KLF13: variants seen among roughly 807,000 people sequenced by gnomAD.
KLF13 encodes the protein Krueppel-like factor 13.
Under a neutral mutation model 16.7 loss-of-function variants are expected in KLF13, and 8 were observed. The ratio of observed to expected loss-of-function variants is 0.48; its 90% CI spans 0.28 to 0.87. The LOEUF is 0.87. Among genes scored for constraint, KLF13 ranks in the 40% least tolerant of loss-of-function variants. The pLI is 0.10. For missense variants in KLF13, 447 were observed against 452.2 expected, an observed-to-expected ratio of 0.99 and a Z score of 0.10; for synonymous variants, 245 against 208.4, an observed-to-expected ratio of 1.18 and a Z score of -1.51.
At chr15:31,424,660 C>CA (rs1251317683) in intron 1 of KLF13, among the ~76,000 whole-genome samples, 1 of 151,988 alleles carries the variant, frequency 6.6e-6, no homozygotes, top group Non-Finnish European at 1.5e-5. Flanking sequence ...AGCCCACAGC[C>CA]AACATCAAAC....
chr15:31,328,424 G>C (rs182764369), intron 1 of KLF13, among the ~76,000 whole-genome samples: 3 of 151,976 alleles, frequency 2.0e-5, no homozygotes, highest in Non-Finnish European at 4.4e-5. Context: ...GGCGGTCCCG[G>C]GTCCCGCTCC....
chr15:31,391,635 G>A (rs1187411929), upstream of KLF13, among the ~76,000 whole-genome samples: 1 of 151,130 alleles, frequency 6.6e-6, no homozygotes, highest in Non-Finnish European at 1.5e-5. Flanking sequence ...CTTCCGGGAG[G>A]TCTAGGCGGC....
chr15:31,365,570 A>G (rs2039454303), intron 1 of KLF13, among the ~76,000 whole-genome samples: 1 of 122,540 alleles, frequency 8.2e-6, no homozygotes, highest in African/African-American at 3.1e-5. Context: ...AGACAGAAAG[A>G]TCTGCAGTGT....
chr15:31,401,853 C>T (rs1428555372), intron 2 of KLF13, among the ~76,000 whole-genome samples: 2 of 152,216 alleles, frequency 1.3e-5, no homozygotes, highest in Non-Finnish European at 2.9e-5. Context: ...CCAGCAGACA[C>T]TGTCTCACCA....
chr15:31,330,244 C>T (rs1031273197), intron 1 of KLF13, among the ~76,000 whole-genome samples: 2 of 152,164 alleles, frequency 1.3e-5, no homozygotes, highest in African/African-American at 2.4e-5. Flanking sequence ...CTGAGGTGTC[C>T]GTGGTTTGTG....
At chr15:31,433,860 G>A (rs552554904) in intron 1 of KLF13, among the ~76,000 whole-genome samples, 5 of 152,336 alleles carry the variant, frequency 3.3e-5, no homozygotes, top group African/African-American at 7.2e-5. Flanking sequence ...CCCCACAGCC[G>A]CTCTTGCCCC....
At chr15:31,333,055 A>G (rs1170757217) in intron 1 of KLF13, among the ~76,000 whole-genome samples, 2 of 152,182 alleles carry the variant, frequency 1.3e-5, no homozygotes, top group African/African-American at 4.8e-5. Context: ...TTAAAAATAA[A>G]AACTTCTAGA....
intron 1 of KLF13, among the ~76,000 whole-genome samples, chr15:31,431,720 TC>T (rs886817181): frequency 1.3e-5 from 2 of 152,180 alleles, no homozygotes; most frequent in Admixed American, 6.6e-5. Context: ...CGCCTCGGCC[TC>T]CCAAAGTGCT....
intron 1 of KLF13, among the ~76,000 whole-genome samples, chr15:31,424,814 T>C (rs1253724864): frequency 6.6e-6 from 1 of 151,296 alleles, no homozygotes; most frequent in Non-Finnish European, 1.5e-5. Flanking sequence ...CATCTAAATC[T>C]GAATAGAAGA....
At position 31,335,861 on chromosome 15, in the gene KLF13, C is replaced by T. The variant is rs185970740; in HGVS notation, c.577+8072C>T. Among the ~76,000 whole-genome samples the T allele has an allele frequency of 4.5e-3, 687 of 152,334 alleles. 2 individuals are homozygous for T. Among genetic ancestry groups the T allele is most frequent in the African/African-American group, 0.016 (655 of 41,570 alleles). On this transcript the variant is annotated intron_variant, in intron 1 of 1. Coordinates refer to ENST00000307145, the MANE Select transcript of KLF13 (RefSeq NM_015995.4). ...CGTCTCCTTGAAGCTGGAGCCCACG[C>T]TGCATCATGAAAGAGCTCTGCAAGA...
intron 1 of KLF13, among the ~76,000 whole-genome samples, chr15:31,425,062 A>G (rs564288051): frequency 6.6e-6 from 1 of 152,194 alleles, no homozygotes; most frequent in Non-Finnish European, 1.5e-5. Context: ...TAATATACTC[A>G]GGAATAAGCT....
chr15:31,423,123 G>T (rs1415535298), intron 1 of KLF13, among the ~76,000 whole-genome samples: 1 of 111,732 alleles, frequency 8.9e-6, no homozygotes, highest in African/African-American at 6.5e-5. Flanking sequence ...GTATATATAC[G>T]TATATATACG....
chr15:31,358,843 C>G (rs963493160), intron 1 of KLF13, among the ~76,000 whole-genome samples: 5 of 152,192 alleles, frequency 3.3e-5, no homozygotes, highest in African/African-American at 1.2e-4. Context: ...ACATTGCCTC[C>G]CGATGCCCAG....
At chr15:31,337,677 G>A (rs1263541287) in intron 1 of KLF13, among the ~76,000 whole-genome samples, 2 of 152,186 alleles carry the variant, frequency 1.3e-5, no homozygotes, top group African/African-American at 4.8e-5. Context: ...AATACTGTAG[G>A]CAACTGTAAC....
intron 1 of KLF13, among the ~76,000 whole-genome samples, chr15:31,417,700 C>CTTT (rs2040271366): frequency 6.6e-6 from 1 of 151,800 alleles, no homozygotes; most frequent in African/African-American, 2.4e-5. Flanking sequence ...TACCACCATG[C>CTTT]TTTGCTAATT....
intron 1 of KLF13, among the ~76,000 whole-genome samples, chr15:31,350,301 A>G (rs1595464822): frequency 6.6e-6 from 1 of 152,220 alleles, no homozygotes; most frequent in Non-Finnish European, 1.5e-5. Context: ...CCCAGCGTGC[A>G]GGGCACCTGG....
At chr15:31,332,050 CT>C (rs756924023) in intron 1 of KLF13, among the ~76,000 whole-genome samples, 6 of 151,742 alleles carry the variant, frequency 4.0e-5, no homozygotes, top group African/African-American at 7.3e-5. Context: ...GCTACATTGC[CT>C]TTTTTTTGTT....
chr15:31,387,148 G>A (rs111342052), intron 1 of KLF13, among the ~76,000 whole-genome samples: 3,020 of 152,284 alleles, frequency 0.02, 78 homozygotes, highest in African/African-American at 0.061. Flanking sequence ...TGAGAGGACC[G>A]ACTCCAATTT....
chr15:31,370,728 C>T (rs903713383), intron 1 of KLF13, among the ~76,000 whole-genome samples: 1 of 152,146 alleles, frequency 6.6e-6, no homozygotes, highest in African/African-American at 2.4e-5. Context: ...CGTTTTTGCT[C>T]TCTGAACTTC....
Sources: allele counts gnomAD v4.1 joint callset (sites outside exome capture counted in the v4.1 genomes callset), GRCh38; gene constraint gnomAD v4.1.1; transcripts MANE v1.5; gene names NCBI Gene and HGNC (gene_info 2026-07-23, HGNC 2026-07-21).